The following CPSF3 variants were observed in gnomAD, a reference collection of about 807,000 sequenced individuals.
The protein encoded by CPSF3 is cleavage and polyadenylation specific factor 3.
A neutral mutation model predicts 84.1 loss-of-function variants in CPSF3; 57 were observed. The observed-to-expected ratio is 0.68, with a 90% CI of 0.55 to 0.85. The LOEUF (loss-of-function observed/expected upper bound fraction) is 0.85. Among genes scored for constraint, CPSF3 ranks in the 40% least tolerant of loss-of-function variants. The pLI is 0.00. For synonymous variants in CPSF3, 275 were observed against 278.1 expected (o/e 0.99, Z 0.11); for missense variants, 522 against 838.8 (o/e 0.62, Z 4.66).
chr2:9,469,509 A>G (rs973764398), intron 16 of CPSF3, among the ~76,000 whole-genome samples: 4 of 152,172 alleles, frequency 2.6e-5, no homozygotes, highest in Admixed American at 2.6e-4. Context: ...GGGGTGCAGA[A>G]TGGAAGTTCA....
chr2:9,424,285 G>A (rs966955515), intron 1 of CPSF3: 3 of 983,928 alleles, frequency 3.0e-6, no homozygotes, highest in East Asian at 1.1e-4. Context: ...TGTGCCAGAA[G>A]TTAGAAAATA....
chr2:9,467,608 A>C, intron 15 of CPSF3, 99 bp from the exon 16 acceptor site: 1 of 800,572 alleles, frequency 1.2e-6, no homozygotes, highest in Non-Finnish European at 2.0e-6. Context: ...ATAGTTATTC[A>C]CTTTAACTTA....
At chr2:9,448,127 A>T in intron 10 of CPSF3, 71 bp from the exon 11 acceptor site, 1 of 780,310 alleles carries the variant, frequency 1.3e-6, no homozygotes, top group Non-Finnish European at 1.9e-6. Context: ...TCATATATTT[A>T]ATTCAACTTA....
rs377440396 is a variant in CPSF3 at position 9,444,140 on chromosome 2, T to TTA, written c.1242+497_1242+498dup. ...ACATAGTAAATGCTTAATATATATATTATATATATATATATATATTTTTTT... is the reference window on the plus strand; with the variant it reads ...ACATAGTAAATGCTTAATATATATATTATATATATATATATATATATTTTTTT... On this transcript the variant is annotated intron_variant, in intron 10 of 17. Coordinates refer to ENST00000238112, the MANE Select transcript of CPSF3 (RefSeq NM_016207.4). Among the ~76,000 whole-genome samples the TTA allele has an allele frequency of 2.5e-3, 321 of 129,858 alleles. 2 individuals carry two copies. Among genetic ancestry groups the TTA allele is most frequent in the East Asian group, 8.6e-3 (43 of 5,004 alleles). 85.2% of individuals were successfully genotyped at this position (129,858 alleles called of 152,430 possible).
chr2:9,457,147 ATGTGTGTGTGTGTGTGTG>A (rs70948817), intron 14 of CPSF3, 120 bp downstream of exon 14: 148 of 334,016 alleles, frequency 4.4e-4, no homozygotes, highest in East Asian at 3.6e-3. Context: ...TGGAAAGTAT[ATGTGTGTGTGTGTGTGTG>A]TGTGTGTGTG....
At chr2:9,464,580 T>A (rs998519462) in intron 15 of CPSF3, among the ~76,000 whole-genome samples, 48 of 151,976 alleles carry the variant, frequency 3.2e-4, no homozygotes, top group African/African-American at 1.2e-3. Flanking sequence ...TTTTTAATAT[T>A]TTTATTTTTA....
In CPSF3 at chr2:9,459,595, A is replaced by C; in HGVS notation, c.1763A>C (p.Gln588Pro). Residue 588 changes from glutamine to proline, a missense_variant, in exon 15 of 18, where the codon CAG becomes CCG. This residue lies in a region of CPSF3 where 193 missense variants were observed against 231.6 expected (regional missense o/e 0.83). Transcript: ENST00000238112. ...GTAACAACTGTGATATTGGAAGTTC[A>C]GTCAAATCCCAAAATAAGAAAAGGT... ...DTVTTVILEV[Q>P]SNPKIRKGAV... The C allele has an allele frequency of 6.4e-7, 1 of 1,562,320 alleles. No homozygotes were observed. Among genetic ancestry groups the C allele is most frequent in the Non-Finnish European group, 8.7e-7 (1 of 1,144,134 alleles).
chr2:9,429,161 C>T (rs576335921), intron 2 of CPSF3, among the ~76,000 whole-genome samples: 3 of 152,258 alleles, frequency 2.0e-5, no homozygotes, highest in African/African-American at 7.2e-5. Context: ...TCTGAACACA[C>T]TGAGAGCTCT....
chr2:9,450,221 G>T (rs979734879), intron 11 of CPSF3, among the ~76,000 whole-genome samples: 1 of 149,586 alleles, frequency 6.7e-6, no homozygotes, highest in Non-Finnish European at 1.5e-5. Flanking sequence ...GTGCCATCTC[G>T]GCTCACTGCA....
At chr2:9,470,783 A>G (rs1235183069) in intron 16 of CPSF3, among the ~76,000 whole-genome samples, 1 of 152,206 alleles carries the variant, frequency 6.6e-6, no homozygotes, top group African/African-American at 2.4e-5. Context: ...TCCTTACTAA[A>G]ATTATAGGTT....
intron 10 of CPSF3, among the ~76,000 whole-genome samples, chr2:9,444,244 C>T (rs1040532922): frequency 1.3e-5 from 2 of 149,502 alleles, no homozygotes; most frequent in Admixed American, 6.7e-5. Flanking sequence ...CTCTCTGCTT[C>T]AGCCTCCTGA....
Position 9,473,057 on chromosome 2 carries a change from CTACTTT to C in CPSF3, c.*42_*47del. On this transcript the variant is annotated 3_prime_UTR_variant, in exon 18 of 18. Coordinates refer to ENST00000238112, the MANE Select transcript of CPSF3 (RefSeq NM_016207.4). ...ATGAACTTTGAAAAAATACTTGACT[CTACTTT>C]TGTTACCTAAAATAAAATGCATTCG... 1 of 1,419,354 alleles carries C rather than the reference CTACTTT, an allele frequency of 7.0e-7. No individual in the cohort carries two copies. Among genetic ancestry groups the C allele is most frequent in the African/African-American group, 1.4e-5 (1 of 70,220 alleles). The allele number at this position is 1,419,354 out of a possible 1,614,324, so 87.9% of individuals were successfully genotyped here. A position where few individuals can be genotyped will look rare whatever the true frequency, so the allele number is the denominator to read the frequency against.
At position 9,466,352 on chromosome 2, in the gene CPSF3, G is replaced by GCA. The variant is rs1197055357; in HGVS notation, c.1787-1345_1787-1344dup. Reference sequence around the variant, plus strand: ...GACGCACGCACACACGCGCGCGCGCGCACACACACACGCACACACCCACGC... The same window carrying GCA: ...GACGCACGCACACACGCGCGCGCGCGCACACACACACACGCACACACCCACGC... On this transcript the variant is annotated intron_variant, in intron 15 of 17. Transcript: ENST00000238112. Among the ~76,000 whole-genome samples, 375 of 129,148 alleles carry GCA rather than the reference G, an allele frequency of 2.9e-3. 6 individuals are homozygous for GCA. Among genetic ancestry groups the GCA allele is most frequent in the East Asian group, 0.028 (130 of 4,642 alleles). The allele number at this position is 129,148 out of a possible 152,430, so 84.7% of individuals were successfully genotyped here. A position where few individuals can be genotyped will look rare whatever the true frequency, so the allele number is the denominator to read the frequency against.
At chr2:9,428,687 T>C in intron 1 of CPSF3, 78 bp from the exon 2 acceptor site, 2 of 949,004 alleles carry the variant, frequency 2.1e-6, no homozygotes, top group Non-Finnish European at 1.7e-6. Flanking sequence ...GTAGTGTACA[T>C]TGTAAAAAAG....
intron 12 of CPSF3, among the ~76,000 whole-genome samples, chr2:9,454,026 C>A (rs984715325): frequency 6.6e-6 from 1 of 152,178 alleles, no homozygotes; most frequent in Non-Finnish European, 1.5e-5. Flanking sequence ...AAGTCATTTT[C>A]CAATGAATAT....
intron 12 of CPSF3, among the ~76,000 whole-genome samples, chr2:9,454,713 T>C (rs1450149154): frequency 1.3e-5 from 2 of 151,656 alleles, no homozygotes; most frequent in East Asian, 3.9e-4. Context: ...CCCGGCTAAT[T>C]TTTTGTATTT....
At chr2:9,460,335 A>G (rs962573646) in intron 15 of CPSF3, among the ~76,000 whole-genome samples, 1 of 152,170 alleles carries the variant, frequency 6.6e-6, no homozygotes, top group African/African-American at 2.4e-5. Context: ...AGGCTGAGGC[A>G]GGAGAATGGC....
intron 15 of CPSF3, among the ~76,000 whole-genome samples, chr2:9,462,299 C>A (rs78318264): frequency 1.1e-3 from 170 of 152,316 alleles, no homozygotes; most frequent in African/African-American, 3.8e-3. Context: ...TTTCTGATAG[C>A]CCTTTTATAA....
chr2:9,429,374 C>T (rs913212203), intron 2 of CPSF3, among the ~76,000 whole-genome samples: 4 of 152,234 alleles, frequency 2.6e-5, no homozygotes, highest in Non-Finnish European at 5.9e-5. Context: ...TTCTCAACTC[C>T]TCCCAATCTG....
Sources: gnomAD v4.1 joint callset for allele counts (sites outside exome capture counted in the v4.1 genomes callset) on GRCh38, gnomAD v4.1.1 for gene constraint, gnomAD v4.1.1 regional missense constraint, MANE v1.5 for transcripts, NCBI Gene and HGNC (gene_info 2026-07-23, HGNC 2026-07-21) for gene names.